PADI3: variants seen among roughly 807,000 people sequenced by gnomAD.
PADI3 encodes protein-arginine deiminase type-3.
In PADI3, 53 loss-of-function variants were observed where a neutral mutation model predicts 71.5. That is an observed-to-expected ratio of 0.74 (90% confidence interval 0.59 to 0.93). The LOEUF (loss-of-function observed/expected upper bound fraction) is 0.93, where lower values mean the gene tolerates loss of function less well. PADI3 is among the 40% of genes least tolerant of loss of function. The probability of loss-of-function intolerance (pLI) is 0.00; values close to 1 mark genes in which losing one functional copy is unlikely to be tolerated. For missense variants in PADI3, 821 were observed against 868.0 expected, an observed-to-expected ratio of 0.95 and a Z score of 0.68; for synonymous variants, 361 against 347.5, an observed-to-expected ratio of 1.04 and a Z score of -0.43.
chr1:17,262,922 G>T (rs571906233), intron 3 of PADI3, among the ~76,000 whole-genome samples: 1 of 152,228 alleles, frequency 6.6e-6, no homozygotes, highest in African/African-American at 2.4e-5. Context: ...TTGTTTGTTT[G>T]TTTGTTTGTT....
intron 14 of PADI3, 102 bp from the exon 15 acceptor site, chr1:17,280,569 C>G: frequency 3.2e-6 from 5 of 1,561,488 alleles, no homozygotes; most frequent in Non-Finnish European, 4.4e-6. Flanking sequence ...GTCCCAACAC[C>G]CTCTTTTGAC....
intron 3 of PADI3, among the ~76,000 whole-genome samples, chr1:17,262,784 A>G (rs2073119404): frequency 6.6e-6 from 1 of 152,222 alleles, no homozygotes; most frequent in Admixed American, 6.5e-5. Context: ...AGTTACCCAA[A>G]CTGAAACCCA....
intron 1 of PADI3, 62 bp downstream of exon 1, chr1:17,249,291 C>G: frequency 7.3e-7 from 1 of 1,378,222 alleles, no homozygotes. Context: ...GACCTTCCTC[C>G]CTGCAGGCTG....
At position 17,283,013 on chromosome 1, in the gene PADI3, G is replaced by A. The variant is rs544844158; in HGVS notation, c.1929G>A (p.Glu643=). 3.7e-6 allele frequency: 6 copies of A among 1,614,242 alleles called. No individual in the cohort carries two copies. Among genetic ancestry groups the A allele is most frequent in the Non-Finnish European group, 4.2e-6 (5 of 1,180,040 alleles). ...DFTPYHMLHG[E]VHCGTNVCRK... is the part of the protein sequence containing the mutation. ...CTCCATACCACATGCTGCATGGGGAGGTGCACTGTGGCACCAATGTGTGCA... is the reference window on the plus strand; with the variant it reads ...CTCCATACCACATGCTGCATGGGGAAGTGCACTGTGGCACCAATGTGTGCA... Residue 643 remains glutamate, a synonymous_variant, in exon 16 of 16, where the codon GAG becomes GAA. Transcript: ENST00000375460.
At chr1:17,274,087 A>C (rs1293626651) in intron 10 of PADI3, among the ~76,000 whole-genome samples, 1 of 152,238 alleles carries the variant, frequency 6.6e-6, no homozygotes, top group African/African-American at 2.4e-5. Context: ...GGTGCCGTAA[A>C]GAACAAGAGA....
intron 11 of PADI3, among the ~76,000 whole-genome samples, chr1:17,275,975 GC>G (rs1291800279): frequency 6.6e-6 from 1 of 152,076 alleles, no homozygotes; most frequent in Non-Finnish European, 1.5e-5. Flanking sequence ...GTAGGTCATT[GC>G]CCTGGTGTGA....
intron 1 of PADI3, among the ~76,000 whole-genome samples, chr1:17,256,993 C>A (rs1279128578): frequency 2.2e-5 from 3 of 137,456 alleles, no homozygotes; most frequent in African/African-American, 8.3e-5. Flanking sequence ...GATTGCACCA[C>A]TGCACTCCAG....
intron 4 of PADI3, among the ~76,000 whole-genome samples, chr1:17,266,492 C>T (rs981693294): frequency 3.9e-5 from 6 of 152,160 alleles, no homozygotes; most frequent in African/African-American, 1.4e-4. Flanking sequence ...AGGATGTTGG[C>T]TGAAGGCCCA....
chr1:17,282,981 G>T lies in PADI3; in HGVS notation c.1897G>T (p.Asp633Tyr). 6.2e-7 allele frequency: 1 copy of T among 1,614,208 alleles called. No individual in the cohort carries two copies. The highest frequency in any genetic ancestry group is 1.1e-5 in the South Asian group (1 of 91,080). The change falls in exon 16 of 16, where the codon GAC becomes TAC. Residue 633 changes from aspartate (D) to tyrosine (Y), a missense_variant. Asp to Tyr is a radical substitution (Grantham distance 160). Transcript: ENST00000375460. ...PLGLHCTFID[D>Y]FTPYHMLHGE... is the part of the protein sequence containing the mutation. ...GGGCCTCCACTGCACCTTCATTGAT[G>T]ACTTCACTCCATACCACATGCTGCA...
intron 13 of PADI3, among the ~76,000 whole-genome samples, chr1:17,279,039 CAGGCAGGGAGAA>C (rs1266978327): frequency 1.3e-5 from 2 of 152,128 alleles, no homozygotes; most frequent in African/African-American, 4.8e-5. Context: ...AATTATGTAC[CAGGCAGGGAGAA>C]ATGCCACCTT....
chr1:17,270,877 A>C lies in PADI3; in HGVS notation c.832-2A>C. ...TCTTTCTCCCCTGGTCTGCCCCTGC[A>C]GGATTTCTCGGCATCCCCTATCTTC... On this transcript the variant is annotated splice_acceptor_variant, in intron 7 of 15. Transcript: ENST00000375460. LOFTEE classifies it high-confidence loss of function. 1 of 1,613,022 alleles carries C rather than the reference A, an allele frequency of 6.2e-7. No homozygotes were observed. Among genetic ancestry groups the C allele is most frequent in the Non-Finnish European group, 8.5e-7 (1 of 1,179,030 alleles).
Position 17,280,734 on chromosome 1 carries a change from A to G in PADI3, c.1699A>G (p.Ile567Val). The G allele has an allele frequency of 6.2e-7, 1 of 1,614,140 alleles. No homozygotes were observed. The highest frequency in any genetic ancestry group is 1.1e-5 in the South Asian group (1 of 91,086). Residue 567 changes from isoleucine (I) to valine (V), a missense_variant, in exon 15 of 16, where the codon ATT (isoleucine) becomes GTT (valine). Ile to Val is a conservative substitution (Grantham distance 29). Coordinates refer to ENST00000375460, the MANE Select transcript of PADI3 (RefSeq NM_016233.2). Reference sequence around the variant, plus strand: ...GCTGGGCCTGGCAGAGTGTGACATCATTGACATCCCACAGCTCTTCAAGAC... The same window carrying G: ...GCTGGGCCTGGCAGAGTGTGACATCGTTGACATCCCACAGCTCTTCAAGAC... Reference protein sequence around the residue: ...RELGLAECDIIDIPQLFKTER... With the variant: ...RELGLAECDIVDIPQLFKTER...
intron 1 of PADI3, among the ~76,000 whole-genome samples, chr1:17,255,131 A>C (rs1298237238): frequency 6.6e-6 from 1 of 152,154 alleles, no homozygotes; most frequent in Non-Finnish European, 1.5e-5. Flanking sequence ...CACTTCTAAG[A>C]ATCTGCATTT....
rs139233813 is a variant in PADI3 at position 17,278,937 on chromosome 1, G to A, written c.1556-1413G>A. Among the ~76,000 whole-genome samples the A allele has an allele frequency of 1.3e-3, 193 of 152,290 alleles. 1 individual carries two copies. The highest frequency in any genetic ancestry group is 4.5e-3 in the African/African-American group (186 of 41,558). ...CTGGAGCCTTAGCAATAAAATGGAAGAGAAATAGTCTTTCTTGACCCTGTT... is the reference window on the plus strand; with the variant it reads ...CTGGAGCCTTAGCAATAAAATGGAAAAGAAATAGTCTTTCTTGACCCTGTT... On this transcript the variant is annotated intron_variant, in intron 13 of 15. Transcript: ENST00000375460.
At chr1:17,276,306 C>A (rs2073329487) in intron 11 of PADI3, among the ~76,000 whole-genome samples, 1 of 152,142 alleles carries the variant, frequency 6.6e-6, no homozygotes, top group African/African-American at 2.4e-5. Context: ...CACTGCACTC[C>A]AGCCTGAGTG....
intron 15 of PADI3, 24 bp downstream of exon 15, chr1:17,280,820 T>C: frequency 6.2e-7 from 1 of 1,611,408 alleles, no homozygotes. Context: ...CCATGACTCC[T>C]TTGCCAAATC....
Position 17,283,523 on chromosome 1 carries a change from C to G in PADI3, c.*444C>G, listed in dbSNP as rs2073428419. The stretch of plus-strand genomic sequence containing the variant: ...CTCTGCAGAGGAACAACCCTAAAAC[C>G]AGACCACTCCACGCAGGACAGGCAG... On this transcript the variant is annotated 3_prime_UTR_variant, in exon 16 of 16. Transcript: ENST00000375460. The G allele has an allele frequency of 6.1e-6, 1 of 163,458 alleles. No homozygotes were observed. The highest frequency in any genetic ancestry group is 2.4e-5 in the African/African-American group (1 of 41,532). The allele number at this position is 163,458 out of a possible 1,614,324, so 10.1% of individuals were successfully genotyped here.
chr1:17,273,963 G>T (rs2073290751), intron 10 of PADI3, among the ~76,000 whole-genome samples: 1 of 152,186 alleles, frequency 6.6e-6, no homozygotes, highest in South Asian at 2.1e-4. Context: ...TGCATGGAGG[G>T]AGTGTGTGTG....
In PADI3 at chr1:17,259,598, A is replaced by G; in HGVS notation, c.113A>G (p.Glu38Gly). Residue 38 changes from glutamate (E) to glycine (G), a missense_variant, in exon 2 of 16, where the codon GAA becomes GGA. Physicochemically the swap from Glu to Gly is moderately conservative, Grantham distance 98. Transcript: ENST00000375460. The stretch of plus-strand genomic sequence containing the variant: ...CCCAGGTCAGTGCCTGAGGGCACAG[A>G]AATGTTTGAGGTCTATGGGACGCCT... ...DIYGSVPEGT[E>G]MFEVYGTPGV... is the part of the protein sequence containing the mutation. 1 of 1,610,052 alleles carries G rather than the reference A, an allele frequency of 6.2e-7. No homozygotes were observed. Among genetic ancestry groups the G allele is most frequent in the Non-Finnish European group, 8.5e-7 (1 of 1,177,560 alleles).
Sources: gnomAD v4.1 joint callset for allele counts (sites outside exome capture counted in the v4.1 genomes callset) on GRCh38, gnomAD v4.1.1 for gene constraint, MANE v1.5 for transcripts, NCBI Gene and HGNC (gene_info 2026-07-23, HGNC 2026-07-21) for gene names.